UST: variants seen among roughly 807,000 people sequenced by gnomAD.
The protein encoded by UST is uronyl 2-sulfotransferase.
UST carries 21 observed loss-of-function variants against 45.6 expected under a neutral mutation model. That is an observed-to-expected ratio of 0.46 (90% CI 0.33 to 0.66). The LOEUF (loss-of-function observed/expected upper bound fraction) is 0.66, where lower values mean the gene tolerates loss of function less well. Among genes scored for constraint, UST ranks in the 30% least tolerant of loss-of-function variants. The probability of loss-of-function intolerance (pLI) is 0.02; values close to 1 mark genes in which losing one functional copy is unlikely to be tolerated. For missense variants in UST, 463 were observed against 512.4 expected (o/e 0.90, Z 0.93); for synonymous variants, 215 against 200.6 (o/e 1.07, Z -0.61).
intron 1 of UST, among the ~76,000 whole-genome samples, chr6:148,834,921 G>A (rs1021369365): frequency 1.2e-4 from 18 of 152,120 alleles, no homozygotes; most frequent in Non-Finnish European, 2.6e-4. Context: ...TATTAATATG[G>A]AGTGCCCAAA....
chr6:148,801,952 G>A (rs1313076207), intron 1 of UST, among the ~76,000 whole-genome samples: 1 of 152,174 alleles, frequency 6.6e-6, no homozygotes, highest in Admixed American at 6.5e-5. Context: ...GGCTTTGCAT[G>A]AGTGATTCTG....
At chr6:148,998,295 C>T (rs1040749521) in intron 5 of UST, among the ~76,000 whole-genome samples, 1 of 152,172 alleles carries the variant, frequency 6.6e-6, no homozygotes, top group African/African-American at 2.4e-5. Context: ...TTCAGTACTG[C>T]CTCCAGGAAG....
At chr6:149,073,795 C>A (rs777630713) in intron 7 of UST, 38 bp from the exon 8 acceptor site, 5 of 1,598,492 alleles carry the variant, frequency 3.1e-6, no homozygotes, top group Non-Finnish European at 4.3e-6. Context: ...TAAGCTACTG[C>A]AAATGATGGC....
chr6:148,762,545 T>TC (rs1776241231), intron 1 of UST, among the ~76,000 whole-genome samples: 1 of 151,910 alleles, frequency 6.6e-6, no homozygotes, highest in Admixed American at 6.6e-5. Flanking sequence ...CTTTTTTTTT[T>TC]TTTTTTAATA....
At chr6:148,827,199 G>A (rs1298918316) in intron 1 of UST, among the ~76,000 whole-genome samples, 1 of 152,214 alleles carries the variant, frequency 6.6e-6, no homozygotes, top group Admixed American at 6.5e-5. Context: ...CTTTTGGACA[G>A]TTCCAATTAT....
At chr6:148,764,673 A>G (rs1776286788) in intron 1 of UST, among the ~76,000 whole-genome samples, 1 of 152,160 alleles carries the variant, frequency 6.6e-6, no homozygotes, top group African/African-American at 2.4e-5. Flanking sequence ...AAAACCAGCA[A>G]GTTTTTATTA....
intron 7 of UST, among the ~76,000 whole-genome samples, chr6:149,024,473 A>G (rs1776022085): frequency 6.6e-6 from 1 of 152,192 alleles, no homozygotes; most frequent in South Asian, 2.1e-4. Context: ...CTATGGTAAC[A>G]TTGAAGACCA....
intron 2 of UST, among the ~76,000 whole-genome samples, chr6:148,914,744 C>T (rs1241657607): frequency 3.3e-5 from 5 of 152,038 alleles, no homozygotes; most frequent in African/African-American, 1.2e-4. Flanking sequence ...TTACAGGCCA[C>T]GGACCAGTAC....
intron 1 of UST, among the ~76,000 whole-genome samples, chr6:148,796,422 G>A (rs959936672): frequency 2.0e-5 from 3 of 151,978 alleles, no homozygotes; most frequent in South Asian, 2.1e-4. Context: ...TCAGGAGTTC[G>A]AGACCAGCCT....
chr6:148,774,946 A>C (rs1421766187), intron 1 of UST, among the ~76,000 whole-genome samples: 1 of 152,102 alleles, frequency 6.6e-6, no homozygotes, highest in East Asian at 1.9e-4. Context: ...TGAACCTGGG[A>C]TGCGGGGGTT....
chr6:148,873,843 CTGG>C (rs1778602383), intron 1 of UST, among the ~76,000 whole-genome samples: 1 of 152,214 alleles, frequency 6.6e-6, no homozygotes. Flanking sequence ...AATGAGGATG[CTGG>C]TGTTTTCAGC....
intron 2 of UST, among the ~76,000 whole-genome samples, chr6:148,897,659 CT>C (rs199789231): frequency 1.2e-3 from 174 of 145,970 alleles, no homozygotes; most frequent in Non-Finnish European, 6.7e-4. Flanking sequence ...GCCCAGCTAA[CT>C]TTTTTTTTTT....
intron 1 of UST, among the ~76,000 whole-genome samples, chr6:148,761,649 A>G (rs1366589377): frequency 6.6e-6 from 1 of 152,238 alleles, no homozygotes; most frequent in East Asian, 1.9e-4. Flanking sequence ...GGGCTGAGGA[A>G]GGAGGGTGGG....
intron 2 of UST, among the ~76,000 whole-genome samples, chr6:148,895,766 G>A (rs898200001): frequency 3.9e-5 from 6 of 152,200 alleles, no homozygotes; most frequent in East Asian, 1.9e-4. Context: ...AGCCATGATC[G>A]TGAGGCCTCC....
intron 2 of UST, among the ~76,000 whole-genome samples, chr6:148,926,933 A>C (rs1215868643): frequency 6.8e-6 from 1 of 146,850 alleles, no homozygotes; most frequent in African/African-American, 2.6e-5. Context: ...ATAGTTAGTA[A>C]TAGGTTTGAA....
intron 1 of UST, among the ~76,000 whole-genome samples, chr6:148,749,308 C>T (rs1415000774): frequency 1.3e-5 from 2 of 152,198 alleles, no homozygotes; most frequent in Non-Finnish European, 2.9e-5. Context: ...TCACCAGCAG[C>T]AATCCCTGTT....
chr6:148,924,964 G>A (rs938496865), intron 2 of UST, among the ~76,000 whole-genome samples: 10 of 152,116 alleles, frequency 6.6e-5, no homozygotes, highest in African/African-American at 2.4e-4. Context: ...AGAATTTCTT[G>A]TCTCCACTTA....
intron 3 of UST, among the ~76,000 whole-genome samples, chr6:148,951,998 G>A (rs562972241): frequency 9.0e-4 from 137 of 152,272 alleles, no homozygotes; most frequent in African/African-American, 2.9e-3. Context: ...TGAAAGAAAC[G>A]TTTTTCCTTC....
At chr6:148,891,884 A>G (rs1779024979) in intron 2 of UST, among the ~76,000 whole-genome samples, 1 of 152,160 alleles carries the variant, frequency 6.6e-6, no homozygotes, top group Admixed American at 6.5e-5. Flanking sequence ...TCTTCCAGTA[A>G]CCTTTGTATA....
Sources: allele counts gnomAD v4.1 joint callset (sites outside exome capture counted in the v4.1 genomes callset), GRCh38; gene constraint gnomAD v4.1.1; transcripts MANE v1.5; gene names NCBI Gene and HGNC (gene_info 2026-07-23, HGNC 2026-07-21).